C17orf99: variants seen among roughly 807,000 people sequenced by gnomAD.
C17orf99 encodes the protein chromosome 17 open reading frame 99.
In C17orf99, 18 loss-of-function variants were observed where a neutral mutation model predicts 22.6. The ratio of observed to expected loss-of-function variants is 0.80; its 90% confidence interval spans 0.55 to 1.18. C17orf99 has a LOEUF of 1.18. C17orf99 is among the 50% of genes most tolerant of loss of function. C17orf99 has a pLI of 0.00. For synonymous variants in C17orf99, 147 were observed against 136.6 expected, an observed-to-expected ratio of 1.08 and a Z score of -0.53; for missense variants, 328 against 342.7, an observed-to-expected ratio of 0.96 and a Z score of 0.34.
rs190149894 is a variant in C17orf99, at chr17:78,161,051, C to T, written c.167C>T (p.Pro56Leu). 19 of 1,551,718 alleles carry T rather than the reference C, an allele frequency of 1.2e-5. No individual in the cohort carries two copies. Among genetic ancestry groups the T allele is most frequent in the African/African-American group, 1.1e-4 (8 of 73,172 alleles). ...ACCTGCTGTGCACCCCAGCCACCAC[C>T]GCCCATCACCTATTCCCTCTGTGGA... is the stretch of plus-strand genomic sequence containing the variant. ...LITCCAPQPP[P>L]PITYSLCGTK... Residue 56 changes from proline (P) to leucine (L), a missense_variant, in exon 3 of 5, where the codon CCG becomes CTG. Coordinates refer to ENST00000340363, the MANE Select transcript of C17orf99 (RefSeq NM_001163075.2).
intron 2 of C17orf99, among the ~76,000 whole-genome samples, chr17:78,147,783 C>T (rs2075447910): frequency 6.6e-6 from 1 of 152,102 alleles, no homozygotes; most frequent in Non-Finnish European, 1.5e-5. Context: ...TCCTCATTTG[C>T]TTTAAAAACG....
chr17:78,155,201 C>G (rs1188398123), intron 2 of C17orf99, among the ~76,000 whole-genome samples: 1 of 150,896 alleles, frequency 6.6e-6, no homozygotes, highest in Non-Finnish European at 1.5e-5. Flanking sequence ...TATTGACAAC[C>G]AAAAATGTCC....
chr17:78,154,452 G>A (rs1007222655), intron 2 of C17orf99, among the ~76,000 whole-genome samples: 1 of 152,068 alleles, frequency 6.6e-6, no homozygotes, highest in African/African-American at 2.4e-5. Context: ...GGCAGCTGAG[G>A]CAGGAGAATC....
chr17:78,165,312 G>A, intron 4 of C17orf99: 1 of 985,898 alleles, frequency 1.0e-6, no homozygotes, highest in Non-Finnish European at 1.2e-6. Flanking sequence ...GGCTCTACCA[G>A]GAGTCTGTCC....
chr17:78,165,291 G>A (rs1308176465), intron 4 of C17orf99: 1 of 986,264 alleles, frequency 1.0e-6, no homozygotes, highest in Non-Finnish European at 1.2e-6. Flanking sequence ...CCGTGGCCCA[G>A]GCCCTTACGT....
chr17:78,166,155 C>CA lies in C17orf99; in HGVS notation c.*131dup, dbSNP rs61377640. 0.23 allele frequency: 32,717 copies of CA among 144,868 alleles called. 3,808 individuals carry two copies. Among genetic ancestry groups the CA allele is most frequent in the African/African-American group, 0.39 (9,240 of 23,414 alleles). The allele number at this position is 144,868 out of a possible 1,614,324, so 9.0% of individuals were successfully genotyped here. ...GAGTGTGTTTTAGCTGCTCTTGCCA[C>CA]AAAAAAAAAAAAAAAAAAAAAAGGG... is the stretch of plus-strand genomic sequence containing the variant. On this transcript the variant is annotated 3_prime_UTR_variant, in exon 5 of 5. Coordinates refer to ENST00000340363, the MANE Select transcript of C17orf99 (RefSeq NM_001163075.2).
intron 2 of C17orf99, among the ~76,000 whole-genome samples, chr17:78,152,955 A>G (rs954289624): frequency 6.6e-6 from 1 of 151,542 alleles, no homozygotes; most frequent in African/African-American, 2.4e-5. Context: ...GGTGGCATGC[A>G]CCTGTAATAC....
intron 2 of C17orf99, among the ~76,000 whole-genome samples, chr17:78,159,315 C>T (rs532612187): frequency 1.0e-3 from 154 of 151,994 alleles, no homozygotes; most frequent in African/African-American, 3.3e-3. Context: ...CCATTCTGGA[C>T]GACAGAGCAA....
chr17:78,153,511 C>T (rs138775614), intron 2 of C17orf99, among the ~76,000 whole-genome samples: 2 of 152,082 alleles, frequency 1.3e-5, no homozygotes, highest in Admixed American at 6.6e-5. Context: ...AAGTGAATGT[C>T]CCTGGTACAG....
chr17:78,151,633 G>C (rs12601492), intron 2 of C17orf99, among the ~76,000 whole-genome samples: 3 of 151,666 alleles, frequency 2.0e-5, no homozygotes, highest in African/African-American at 4.8e-5. Context: ...CCATTCTCCC[G>C]GTGTGTGTCT....
intron 2 of C17orf99, among the ~76,000 whole-genome samples, chr17:78,151,339 C>A (rs1480222373): frequency 6.9e-6 from 1 of 145,340 alleles, no homozygotes; most frequent in African/African-American, 2.6e-5. Context: ...GCACAAGAAT[C>A]GCTTGAAACC....
At position 78,165,995 on chromosome 17, in the gene C17orf99, G is replaced by T; in HGVS notation, c.747G>T (p.Gly249=). 1 of 1,493,612 alleles carries T rather than the reference G, an allele frequency of 6.7e-7. No homozygotes were observed. Among genetic ancestry groups the T allele is most frequent in the Non-Finnish European group, 9.0e-7 (1 of 1,111,830 alleles). The allele number at this position is 1,493,612 out of a possible 1,614,324, so 92.5% of individuals were successfully genotyped here. ...GTCTGAGTGAAGAGGAGTTTGGGGG[G>T]TTCAGGATAGGGAATGGGGAGGTCA... The part of the protein sequence containing the change: ...TRRLSEEEFG[G]FRIGNGEVRG... Residue 249 remains glycine (G), a synonymous_variant, in exon 5 of 5, where the codon GGG becomes GGT. Coordinates refer to ENST00000340363, the MANE Select transcript of C17orf99 (RefSeq NM_001163075.2).
intron 2 of C17orf99, among the ~76,000 whole-genome samples, chr17:78,160,295 TGGG>T (rs1411878541): frequency 6.6e-6 from 1 of 152,130 alleles, no homozygotes; most frequent in African/African-American, 2.4e-5. Context: ...CCCAGCACTT[TGGG>T]AGGCCAAGGC....
At chr17:78,147,287 G>A (rs936220823) in intron 2 of C17orf99, among the ~76,000 whole-genome samples, 1 of 152,196 alleles carries the variant, frequency 6.6e-6, no homozygotes, top group African/African-American at 2.4e-5. Flanking sequence ...GGTGGGCGAG[G>A]CCCCGTGGAG....
rs2075443749 is a variant in C17orf99 at position 78,147,164 on chromosome 17, T to C, written c.70+253T>C. 2.6e-5 allele frequency among the ~76,000 whole-genome samples: 4 copies of C among 152,198 alleles called. No homozygotes were observed. The South Asian group carries it at 8.3e-4, about 31-fold the overall frequency. On this transcript the variant is annotated intron_variant, in intron 2 of 4. Coordinates refer to ENST00000340363, the MANE Select transcript of C17orf99 (RefSeq NM_001163075.2). ...CAGGGAAGTTGCTCAGCTTCCAGCC[T>C]TTGGCTGGGCTGTTTGGAGGGAAGA... is the stretch of plus-strand genomic sequence containing the variant.
At chr17:78,162,442 A>T (rs1484531075) in intron 3 of C17orf99, among the ~76,000 whole-genome samples, 1 of 151,828 alleles carries the variant, frequency 6.6e-6, no homozygotes, top group Non-Finnish European at 1.5e-5. Flanking sequence ...GGGAACCAGG[A>T]AGTGTTGCCC....
At chr17:78,148,387 C>T (rs76458667) in intron 2 of C17orf99, among the ~76,000 whole-genome samples, 10,414 of 152,022 alleles carry the variant, frequency 0.069, 713 homozygotes, top group Admixed American at 0.21. Flanking sequence ...ATTAGCTGGG[C>T]ATGGTGGGCG....
At chr17:78,156,166 C>T (rs927656881) in intron 2 of C17orf99, among the ~76,000 whole-genome samples, 1 of 151,044 alleles carries the variant, frequency 6.6e-6, no homozygotes. Context: ...CCAGTCTCTA[C>T]TAAAAATACA....
chr17:78,165,838 G>T lies in C17orf99; in HGVS notation c.641-51G>T, dbSNP rs777325907. The stretch of plus-strand genomic sequence containing the variant: ...AACACTCTCAGACGCCTCGGGAGGG[G>T]ATGGCTGGGAGGTGAGCCTGCCTGA... On this transcript the variant is annotated intron_variant, in intron 4 of 4. Transcript: ENST00000340363. The T allele has an allele frequency of 2.3e-6, 3 of 1,279,812 alleles. No individual in the cohort carries two copies. In the South Asian group the frequency reaches 9.0e-5, roughly 39 times the overall value. 79.3% of individuals were successfully genotyped at this position (1,279,812 alleles called of 1,614,324 possible).
Sources: allele counts gnomAD v4.1 joint callset (sites outside exome capture counted in the v4.1 genomes callset), GRCh38; gene constraint gnomAD v4.1.1; transcripts MANE v1.5; gene names NCBI Gene and HGNC (gene_info 2026-07-23, HGNC 2026-07-21).